Variants in ATRN observed in about 807,000 individuals in gnomAD.
ATRN encodes the protein attractin-2.
ATRN carries 54 observed loss-of-function variants against 178.7 expected under a neutral mutation model. The ratio of observed to expected loss-of-function variants is 0.30; its 90% CI spans 0.24 to 0.38. The LOEUF (loss-of-function observed/expected upper bound fraction) is 0.38. Among genes scored for constraint, ATRN ranks in the 10% least tolerant of loss-of-function variants. The probability of loss-of-function intolerance (pLI) is 1.00; values close to 1 mark genes in which losing one functional copy is unlikely to be tolerated. For missense variants in ATRN, 1,443 were observed against 1,815.1 expected, an observed-to-expected ratio of 0.79 and a Z score of 3.73; for synonymous variants, 636 against 663.0, an observed-to-expected ratio of 0.96 and a Z score of 0.63.
At chr20:3,517,732 C>T (rs910556239) in intron 1 of ATRN, among the ~76,000 whole-genome samples, 14 of 151,618 alleles carry the variant, frequency 9.2e-5, no homozygotes, top group African/African-American at 3.4e-4. Flanking sequence ...CACGGTGCCA[C>T]TGCACTCCAG....
In ATRN at chr20:3,501,206, A is replaced by G. The variant is rs150882202; in HGVS notation, c.410+29689A>G. On this transcript the variant is annotated intron_variant, in intron 1 of 28. Transcript: ENST00000262919. ...TGGATTTTGGTGTGGAAAAGAGGAG[A>G]TACAAAGGTAGAAACAGAGAAGTTG... is the stretch of plus-strand genomic sequence containing the variant. Among the ~76,000 whole-genome samples the G allele has an allele frequency of 4.1e-4, 62 of 152,306 alleles. No individual in the cohort carries two copies. In the East Asian group the frequency reaches 6.0e-3, roughly 15 times the overall value.
intron 20 of ATRN, among the ~76,000 whole-genome samples, chr20:3,595,134 T>G (rs1196768097): frequency 1.3e-5 from 2 of 152,220 alleles, no homozygotes; most frequent in African/African-American, 4.8e-5. Context: ...TGGCCCTGCC[T>G]CCACTGAGCA....
chr20:3,615,157 T>C (rs948590318), intron 24 of ATRN, among the ~76,000 whole-genome samples: 1 of 152,076 alleles, frequency 6.6e-6, no homozygotes, highest in African/African-American at 2.4e-5. Flanking sequence ...TTTTAAGAAT[T>C]ATATGGTTGT....
At chr20:3,590,607 A>G (rs2086427865) in intron 18 of ATRN, among the ~76,000 whole-genome samples, 1 of 152,270 alleles carries the variant, frequency 6.6e-6, no homozygotes, top group Admixed American at 6.5e-5. Flanking sequence ...TGAAAAATGT[A>G]AAGCAAACTA....
chr20:3,501,499 A>G (rs1435147134), intron 1 of ATRN, among the ~76,000 whole-genome samples: 4 of 152,200 alleles, frequency 2.6e-5, no homozygotes, highest in Non-Finnish European at 5.9e-5. Flanking sequence ...ATCTTTTTAT[A>G]TCACAAAACA....
intron 23 of ATRN, among the ~76,000 whole-genome samples, chr20:3,601,270 A>G (rs1016663108): frequency 6.6e-6 from 1 of 152,216 alleles, no homozygotes; most frequent in Non-Finnish European, 1.5e-5. Context: ...AAATTAGGTT[A>G]TACCTACCAG....
At chr20:3,604,041 G>T (rs966804622) in intron 23 of ATRN, 64 bp from the exon 24 acceptor site, 51 of 1,388,592 alleles carry the variant, frequency 3.7e-5, no homozygotes, top group Non-Finnish European at 4.9e-5. Flanking sequence ...AATGAGGCCA[G>T]ATTCTGTTCT....
rs1335908110 is a variant in ATRN, at chr20:3,648,655, C to T, written c.*1808C>T. Reference sequence around the variant, plus strand: ...TTTTCAAGGAATTTGAACCATAAAACACTATCTGATGCACAGAACACCTCT... The same window carrying T: ...TTTTCAAGGAATTTGAACCATAAAATACTATCTGATGCACAGAACACCTCT... On this transcript the variant is annotated 3_prime_UTR_variant, in exon 29 of 29. Transcript: ENST00000262919. 6.6e-6 allele frequency: 1 copy of T among 152,194 alleles called. No individual in the cohort carries two copies. The highest frequency in any genetic ancestry group is 2.4e-5 in the African/African-American group (1 of 41,428). The allele number at this position is 152,194 out of a possible 1,614,324, so 9.4% of individuals were successfully genotyped here. A position where few individuals can be genotyped will look rare whatever the true frequency, so the allele number is the denominator to read the frequency against.
At chr20:3,642,750 G>A (rs1210183748) in intron 27 of ATRN, among the ~76,000 whole-genome samples, 1 of 152,142 alleles carries the variant, frequency 6.6e-6, no homozygotes, top group Non-Finnish European at 1.5e-5. Flanking sequence ...AATTCTAAAG[G>A]TGGCCCTCAA....
At chr20:3,512,224 A>T (rs1280144609) in intron 1 of ATRN, among the ~76,000 whole-genome samples, 1 of 150,378 alleles carries the variant, frequency 6.6e-6, no homozygotes, top group Non-Finnish European at 1.5e-5. Context: ...GTCATTTAAC[A>T]TTAGGTATAT....
intron 1 of ATRN, among the ~76,000 whole-genome samples, chr20:3,508,404 T>A (rs1383605247): frequency 6.6e-6 from 1 of 152,214 alleles, no homozygotes; most frequent in Admixed American, 6.5e-5. Context: ...ATGTAAGATC[T>A]CTGCCACAGC....
chr20:3,612,501 G>A (rs1265098463), intron 24 of ATRN, among the ~76,000 whole-genome samples: 3 of 152,088 alleles, frequency 2.0e-5, no homozygotes, highest in Admixed American at 2.0e-4. Flanking sequence ...AAATCTTGGG[G>A]GCATTCTTAG....
At chr20:3,581,884 A>G (rs151340) in intron 15 of ATRN, among the ~76,000 whole-genome samples, 130,597 of 152,176 alleles carry the variant, frequency 0.86, 56,450 homozygotes, top group East Asian at 1. Context: ...AGGTTTTCCT[A>G]TGTCTGTGGG....
At chr20:3,643,457 G>A (rs2087084256) in intron 27 of ATRN, among the ~76,000 whole-genome samples, 1 of 151,580 alleles carries the variant, frequency 6.6e-6, no homozygotes, top group Non-Finnish European at 1.5e-5. Context: ...CTTGAGCCCA[G>A]GAGTTCAAGA....
intron 1 of ATRN, among the ~76,000 whole-genome samples, chr20:3,513,292 G>A (rs2085161814): frequency 6.6e-6 from 1 of 152,166 alleles, no homozygotes; most frequent in East Asian, 1.9e-4. Context: ...TGTATAAAGT[G>A]TAAGGAAGGG....
chr20:3,472,934 GTAGACT>G (rs1159244776), intron 1 of ATRN, among the ~76,000 whole-genome samples: 1 of 152,216 alleles, frequency 6.6e-6, no homozygotes, highest in Non-Finnish European at 1.5e-5. Flanking sequence ...TAGCAAAATT[GTAGACT>G]TAGGTAATAT....
In ATRN at chr20:3,625,191, G is replaced by A. The variant is rs149973767; in HGVS notation, c.3863+619G>A. On this transcript the variant is annotated intron_variant, in intron 25 of 28. Coordinates refer to ENST00000262919, the MANE Select transcript of ATRN (RefSeq NM_139321.3). Reference sequence around the variant, plus strand: ...ATTGTTTTGTTTTTTACTTCTCTGTGTTTACACTTGGTTTTTCAGTTAAGT... The same window carrying A: ...ATTGTTTTGTTTTTTACTTCTCTGTATTTACACTTGGTTTTTCAGTTAAGT... Among the ~76,000 whole-genome samples the A allele has an allele frequency of 5.9e-5, 9 of 152,208 alleles. No homozygotes were observed. The East Asian group carries it at 1.2e-3, about 20-fold the overall frequency.
Position 3,544,943 on chromosome 20 carries a change from T to C in ATRN, c.609-819T>C, listed in dbSNP as rs970070628. 2.0e-4 allele frequency among the ~76,000 whole-genome samples: 30 copies of C among 152,146 alleles called. 1 individual carries two copies. Among genetic ancestry groups the C allele is most frequent in the Non-Finnish European group, 5.9e-5 (4 of 68,034 alleles). ...GCTTTTAATGATATAGAAAATGCGTTAAGTTTTATTTGTAAAATGGAATAT... is the reference window on the plus strand; with the variant it reads ...GCTTTTAATGATATAGAAAATGCGTCAAGTTTTATTTGTAAAATGGAATAT... On this transcript the variant is annotated intron_variant, in intron 3 of 28. Transcript: ENST00000262919.
intron 20 of ATRN, among the ~76,000 whole-genome samples, chr20:3,595,243 GT>G (rs1363393047): frequency 1.3e-5 from 2 of 152,204 alleles, no homozygotes; most frequent in Non-Finnish European, 2.9e-5. Flanking sequence ...AGGAAGGATA[GT>G]TCCTCAATCA....
Sources: allele counts gnomAD v4.1 joint callset (sites outside exome capture counted in the v4.1 genomes callset), GRCh38; gene constraint gnomAD v4.1.1; transcripts MANE v1.5; gene names NCBI Gene and HGNC (gene_info 2026-07-23, HGNC 2026-07-21).